Variants in CDIN1 observed in about 807,000 individuals in gnomAD.
CDIN1 encodes CDAN1 interacting nuclease 1.
A neutral mutation model predicts 45.3 loss-of-function variants in CDIN1; 33 were observed. That is an observed-to-expected ratio of 0.73 (90% CI 0.55 to 0.97). CDIN1 has a LOEUF of 0.97. CDIN1 is among the 50% of genes least tolerant of loss of function. The pLI is 0.00. For synonymous variants in CDIN1, 118 were observed against 124.4 expected, an observed-to-expected ratio of 0.95 and a Z score of 0.34; for missense variants, 303 against 339.4, an observed-to-expected ratio of 0.89 and a Z score of 0.84.
At chr15:36,662,448 CTA>C in intron 5 of CDIN1, among the ~76,000 whole-genome samples, 2 of 107,848 alleles carry the variant, frequency 1.9e-5, no homozygotes, top group South Asian at 3.1e-4. Context: ...TGCCAGTATG[CTA>C]GGCCATCAAA....
rs1387431765 is a variant in CDIN1, at chr15:36,794,632, CCT to C, written c.717-13689_717-13688del. 4.1e-5 allele frequency among the ~76,000 whole-genome samples: 6 copies of C among 147,798 alleles called. No homozygotes were observed. In the East Asian group the frequency reaches 1.2e-3, roughly 29 times the overall value. ...ATGTTGTAGCATGTGACAGGATTTTCCTCTTTTTTAAGACTGTGTAATATTCC... is the reference window on the plus strand; with the variant it reads ...ATGTTGTAGCATGTGACAGGATTTTCCTTTTTTAAGACTGTGTAATATTCC... On this transcript the variant is annotated intron_variant, in intron 10 of 10. Coordinates refer to ENST00000566621, the MANE Select transcript of CDIN1 (RefSeq NM_001321759.2).
intron 10 of CDIN1, among the ~76,000 whole-genome samples, chr15:36,794,466 C>A: frequency 6.6e-6 from 1 of 152,172 alleles, no homozygotes; most frequent in East Asian, 1.9e-4. Flanking sequence ...CTTTCTCCTA[C>A]CCTTGGCAGC....
chr15:36,599,497 G>T (rs1859665365), intron 1 of CDIN1, among the ~76,000 whole-genome samples: 1 of 152,140 alleles, frequency 6.6e-6, no homozygotes, highest in African/African-American at 2.4e-5. Context: ...CTTGATCCAT[G>T]AAATTTTAGT....
In CDIN1 at chr15:36,776,898, C is replaced by A. The variant is rs1000563885; in HGVS notation, c.717-31426C>A. Among the ~76,000 whole-genome samples the A allele has an allele frequency of 2.0e-5, 3 of 152,032 alleles. No individual in the cohort carries two copies. In the East Asian group the frequency reaches 5.8e-4, roughly 29 times the overall value. On this transcript the variant is annotated intron_variant, in intron 10 of 10. Transcript: ENST00000566621. ...AAAACATGAGGTTGTTTTGCCAATT[C>A]GCTTTCATTTGGAAATAATTTTTAA... is the stretch of plus-strand genomic sequence containing the variant.
intron 1 of CDIN1, among the ~76,000 whole-genome samples, chr15:36,620,729 G>A (rs1595756285): frequency 6.6e-6 from 1 of 152,270 alleles, no homozygotes; most frequent in East Asian, 1.9e-4. Flanking sequence ...TGTTAAAGAT[G>A]AAACATTGTG....
intron 1 of CDIN1, among the ~76,000 whole-genome samples, chr15:36,597,169 G>T (rs763786033): frequency 3.3e-5 from 5 of 152,096 alleles, no homozygotes; most frequent in Admixed American, 6.5e-5. Flanking sequence ...CCCTTTAAGT[G>T]CCCTATTCGG....
At chr15:36,740,627 G>T (rs1402778146) in intron 10 of CDIN1, among the ~76,000 whole-genome samples, 2 of 152,080 alleles carry the variant, frequency 1.3e-5, no homozygotes, top group African/African-American at 4.8e-5. Flanking sequence ...AGTGGCTCAC[G>T]CCTGTAATCC....
chr15:36,760,519 A>T (rs1355161599), intron 10 of CDIN1, among the ~76,000 whole-genome samples: 1 of 152,234 alleles, frequency 6.6e-6, no homozygotes, highest in Non-Finnish European at 1.5e-5. Flanking sequence ...GTTCTTAGGA[A>T]CTTTTAATTC....
At chr15:36,592,534 C>T (rs538189182) in intron 1 of CDIN1, among the ~76,000 whole-genome samples, 10 of 152,110 alleles carry the variant, frequency 6.6e-5, no homozygotes, top group Admixed American at 3.3e-4. Context: ...AGCCTTTTTT[C>T]TGAAAGAGAC....
At chr15:36,803,865 A>T (rs2055133042) in intron 10 of CDIN1, among the ~76,000 whole-genome samples, 1 of 152,226 alleles carries the variant, frequency 6.6e-6, no homozygotes, top group Non-Finnish European at 1.5e-5. Flanking sequence ...ACATGCCCTT[A>T]AAATATGACA....
intron 8 of CDIN1, chr15:36,705,552 T>G (rs2042831672): frequency 6.6e-6 from 1 of 152,186 alleles, no homozygotes; most frequent in South Asian, 2.1e-4. Flanking sequence ...TCTAGGCCAG[T>G]TATATTGTGT....
At chr15:36,645,155 A>G (rs2040259303) in intron 2 of CDIN1, 68 bp from the exon 3 acceptor site, 7 of 1,260,170 alleles carry the variant, frequency 5.6e-6, no homozygotes, top group Non-Finnish European at 6.8e-6. Context: ...AAATAATGTC[A>G]TTCTTGTTTT....
chr15:36,739,442 A>AAAACG (rs1390719886), intron 10 of CDIN1, among the ~76,000 whole-genome samples: 1 of 151,966 alleles, frequency 6.6e-6, no homozygotes, highest in South Asian at 2.1e-4. Flanking sequence ...AAAACAAAAC[A>AAAACG]AAAAACAAAG....
At chr15:36,586,395 T>C (rs2037302741) in intron 1 of CDIN1, among the ~76,000 whole-genome samples, 1 of 152,200 alleles carries the variant, frequency 6.6e-6, no homozygotes, top group Non-Finnish European at 1.5e-5. Context: ...TCTATTTCTC[T>C]CACCAGAATA....
In CDIN1 at chr15:36,749,035, C is replaced by T. The variant is rs1036129843; in HGVS notation, c.716+39074C>T. Reference sequence around the variant, plus strand: ...GATTTTCTTCAACCTGAAATGAATGCTCTTTAAGTTGGGCTTTTCAATAGG... The same window carrying T: ...GATTTTCTTCAACCTGAAATGAATGTTCTTTAAGTTGGGCTTTTCAATAGG... On this transcript the variant is annotated intron_variant, in intron 10 of 10. Transcript: ENST00000566621. Among the ~76,000 whole-genome samples the T allele has an allele frequency of 3.9e-5, 6 of 152,118 alleles. No homozygotes were observed. In the South Asian group the frequency reaches 1.0e-3, roughly 26 times the overall value.
chr15:36,638,661 TAAAAG>T (rs1412460783), intron 1 of CDIN1, among the ~76,000 whole-genome samples: 6 of 152,178 alleles, frequency 3.9e-5, no homozygotes, highest in Admixed American at 1.3e-4. Flanking sequence ...TTTAAAAACA[TAAAAG>T]AACAACATTT....
rs756408340 is a variant in CDIN1, at chr15:36,657,916, CT to C, written c.346+17del. 5 of 1,600,686 alleles carry C rather than the reference CT, an allele frequency of 3.1e-6. No homozygotes were observed. The highest frequency in any genetic ancestry group is 3.4e-6 in the Non-Finnish European group (4 of 1,170,796). On this transcript the variant is annotated intron_variant, in intron 5 of 10. Coordinates refer to ENST00000566621, the MANE Select transcript of CDIN1 (RefSeq NM_001321759.2). ...ACGAGGAAACTCCACGTGAGTTACCCTTTTTTCCTAATGGTACTCTTTTACT... is the reference window on the plus strand; with the variant it reads ...ACGAGGAAACTCCACGTGAGTTACCCTTTTTCCTAATGGTACTCTTTTACT...
At chr15:36,642,940 C>T (rs756201636) in intron 1 of CDIN1, among the ~76,000 whole-genome samples, 1 of 152,048 alleles carries the variant, frequency 6.6e-6, no homozygotes, top group Non-Finnish European at 1.5e-5. Flanking sequence ...TTTTGCCTCC[C>T]TCCCACCCCA....
chr15:36,622,603 G>A (rs1386935281), intron 1 of CDIN1, among the ~76,000 whole-genome samples: 1 of 152,192 alleles, frequency 6.6e-6, no homozygotes, highest in Non-Finnish European at 1.5e-5. Context: ...CACCTCAGGG[G>A]CCTGTGGTTA....
Sources: gnomAD v4.1 joint callset for allele counts (sites outside exome capture counted in the v4.1 genomes callset) on GRCh38, gnomAD v4.1.1 for gene constraint, MANE v1.5 for transcripts, NCBI Gene and HGNC (gene_info 2026-07-23, HGNC 2026-07-21) for gene names.